The following PYGL variants were observed in gnomAD, a reference collection of about 807,000 sequenced individuals.
PYGL encodes the protein glycogen phosphorylase L.
PYGL carries 90 observed loss-of-function variants against 100.1 expected under a neutral mutation model. The ratio of observed to expected loss-of-function variants is 0.90; its 90% CI spans 0.76 to 1.07. PYGL has a LOEUF of 1.07. Ranked by LOEUF, PYGL falls within the 50% of genes least tolerant of loss-of-function variation. The pLI is 0.00. For missense variants in PYGL, 1,016 were observed against 1,057.6 expected, an observed-to-expected ratio of 0.96 and a Z score of 0.55; for synonymous variants, 373 against 393.0, an observed-to-expected ratio of 0.95 and a Z score of 0.60.
intron 1 of PYGL, among the ~76,000 whole-genome samples, chr14:50,939,096 AGTGGCG>A (rs1456943882): frequency 6.6e-6 from 1 of 152,202 alleles, no homozygotes; most frequent in East Asian, 1.9e-4. Flanking sequence ...GCTGGAGTGC[AGTGGCG>A]CAATCTCAGC....
intron 1 of PYGL, among the ~76,000 whole-genome samples, chr14:50,939,618 C>T (rs1267215546): frequency 6.6e-6 from 1 of 151,792 alleles, no homozygotes; most frequent in African/African-American, 2.4e-5. Context: ...CTTCATTGCC[C>T]CCTTTTACAA....
intron 3 of PYGL, 29 bp downstream of exon 3, chr14:50,935,078 C>G (rs911488444): frequency 3.8e-6 from 6 of 1,576,640 alleles, no homozygotes; most frequent in Non-Finnish European, 5.2e-6. Flanking sequence ...ATCGGCCAGA[C>G]AATATAATAC....
intron 4 of PYGL, among the ~76,000 whole-genome samples, chr14:50,926,185 TA>T (rs1285596519): frequency 2.0e-5 from 3 of 151,836 alleles, no homozygotes; most frequent in Non-Finnish European, 2.9e-5. Flanking sequence ...AACCTATCTC[TA>T]AAAAAAATTT....
At chr14:50,905,643 T>C (rs1487765436) in intron 19 of PYGL, 87 bp from the exon 20 acceptor site, 1 of 1,263,760 alleles carries the variant, frequency 7.9e-7, no homozygotes, top group South Asian at 1.2e-5. Context: ...TCCAAACACA[T>C]TTCATGAGGG....
intron 5 of PYGL, among the ~76,000 whole-genome samples, chr14:50,922,496 G>A (rs1030176648): frequency 6.6e-6 from 1 of 152,192 alleles, no homozygotes; most frequent in African/African-American, 2.4e-5. Flanking sequence ...CTGGGATTGA[G>A]TCTCGGTTCA....
chr14:50,922,684 T>C (rs1006844456), intron 5 of PYGL, among the ~76,000 whole-genome samples: 1 of 152,210 alleles, frequency 6.6e-6, no homozygotes, highest in Non-Finnish European at 1.5e-5. Flanking sequence ...ACTTCTCTAA[T>C]GGGCAATCTT....
rs373516824 is a variant in PYGL, at chr14:50,920,154, C to T, written c.855+387G>A. ...GGCAGAGGACCAGAAAGAGCCTAGT[C>T]AGTGAGAGAAGAGGCGAGGCAGAAA... On this transcript the variant is annotated intron_variant, in intron 7 of 19. Coordinates refer to ENST00000216392, the MANE Select transcript of PYGL (RefSeq NM_002863.5). 2.3e-3 allele frequency among the ~76,000 whole-genome samples: 348 copies of T among 152,304 alleles called. 3 individuals carry two copies. Among genetic ancestry groups the T allele is most frequent in the African/African-American group, 7.9e-3 (328 of 41,564 alleles).
chr14:50,914,516 AT>A (rs1174184699), intron 12 of PYGL, among the ~76,000 whole-genome samples, 184 bp downstream of exon 12: 39 of 151,904 alleles, frequency 2.6e-4, no homozygotes, highest in African/African-American at 8.2e-4. Context: ...AATAATAATA[AT>A]AATAAATAAT....
intron 1 of PYGL, among the ~76,000 whole-genome samples, chr14:50,941,883 A>C (rs2050705119): frequency 6.6e-6 from 1 of 152,208 alleles, no homozygotes; most frequent in Admixed American, 6.5e-5. Flanking sequence ...GTCACAAAAC[A>C]AAACAAAACA....
At chr14:50,931,297 T>A (rs576270692) in intron 4 of PYGL, among the ~76,000 whole-genome samples, 1 of 152,312 alleles carries the variant, frequency 6.6e-6, no homozygotes, top group South Asian at 2.1e-4. Flanking sequence ...GTGCTTCCTA[T>A]CATCAAGGGT....
chr14:50,923,629 T>G (rs2050520549), intron 5 of PYGL: 1 of 211,168 alleles, frequency 4.7e-6, no homozygotes, highest in Non-Finnish European at 9.3e-6. Context: ...TATCAACACC[T>G]TAATATAAAA....
chr14:50,944,048 A>C, intron 1 of PYGL, 113 bp downstream of exon 1: 1 of 1,369,642 alleles, frequency 7.3e-7, no homozygotes, highest in Middle Eastern at 2.5e-4. Flanking sequence ...CTTCGGGGCA[A>C]GGACCGGGTG....
chr14:50,909,851 G>C (rs1028819135), intron 17 of PYGL, 44 bp downstream of exon 17: 8 of 1,603,092 alleles, frequency 5.0e-6, no homozygotes, highest in Non-Finnish European at 6.0e-6. Context: ...ACCTTCTAGG[G>C]GGGAGGGGCA....
chr14:50,907,206 C>G (rs148719325), intron 19 of PYGL, among the ~76,000 whole-genome samples: 166 of 152,112 alleles, frequency 1.1e-3, no homozygotes, highest in African/African-American at 3.9e-3. Context: ...TTTTTTTCCC[C>G]TCAGTATAGT....
chr14:50,944,389 C>G lies in PYGL; in HGVS notation c.15G>C (p.Leu5=). The change falls in exon 1 of 20, where the codon CTG becomes CTC. Residue 5 remains leucine, a synonymous_variant. Coordinates refer to ENST00000216392, the MANE Select transcript of PYGL (RefSeq NM_002863.5). ...TCTGCCGCCGCTTCTCCTGGTCCGT[C>G]AGGGGCTTCGCCATGGCTGGGGCGG... The part of the protein sequence containing the change: MAKP[L]TDQEKRRQIS... The G allele has an allele frequency of 6.2e-7, 1 of 1,612,248 alleles. No individual in the cohort carries two copies.
chr14:50,914,353 T>A (rs2050425858), intron 12 of PYGL, among the ~76,000 whole-genome samples: 1 of 152,072 alleles, frequency 6.6e-6, no homozygotes, highest in Admixed American at 6.6e-5. Context: ...AAAAATTAGC[T>A]GGGCATTGTG....
Position 50,913,010 on chromosome 14 carries a change from C to A in PYGL, c.1620+19G>T, listed in dbSNP as rs997453494. On this transcript the variant is annotated intron_variant, in intron 13 of 19. Transcript: ENST00000216392. ...TCACAGTGAGTGCCCAGGAGGGGACCCACACCTGGAAGGCTCACCTGCTTC... is the reference window on the plus strand; with the variant it reads ...TCACAGTGAGTGCCCAGGAGGGGACACACACCTGGAAGGCTCACCTGCTTC... 1 of 1,611,154 alleles carries A rather than the reference C, an allele frequency of 6.2e-7. No individual in the cohort carries two copies. Among genetic ancestry groups the A allele is most frequent in the African/African-American group, 1.3e-5 (1 of 74,836 alleles).
chr14:50,944,427 C>A lies in PYGL; in HGVS notation c.-24G>T, dbSNP rs957651578. 4 of 1,589,174 alleles carry A rather than the reference C, an allele frequency of 2.5e-6. No homozygotes were observed. The highest frequency in any genetic ancestry group is 3.4e-6 in the Non-Finnish European group (4 of 1,170,914). On this transcript the variant is annotated 5_prime_UTR_variant, in exon 1 of 20. Coordinates refer to ENST00000216392, the MANE Select transcript of PYGL (RefSeq NM_002863.5). ...ATGGCTGGGGCGGCGGGCTGCGCGG[C>A]GGGCTGCGCAGAGAGCTGGAAGTGC... is the stretch of plus-strand genomic sequence containing the variant.
chr14:50,912,023 GTCTT>G lies in PYGL; in HGVS notation c.1778_1781del (p.Lys593ThrfsTer26), dbSNP rs764509227. On this transcript the variant is annotated frameshift_variant, in exon 15 of 20. Coordinates refer to ENST00000216392, the MANE Select transcript of PYGL (RefSeq NM_002863.5). LOFTEE classifies it high-confidence loss of function. ...TCCTTGGCACGAATAACTTCTTAGG[GTCTT>G]TCTTAATGCCTGAAAAAGATGGAGA... 6.2e-6 allele frequency: 10 copies of G among 1,613,878 alleles called. No homozygotes were observed. The South Asian group carries it at 9.9e-5, about 16-fold the overall frequency.
Sources: gnomAD v4.1 joint callset for allele counts (sites outside exome capture counted in the v4.1 genomes callset) on GRCh38, gnomAD v4.1.1 for gene constraint, MANE v1.5 for transcripts, NCBI Gene and HGNC (gene_info 2026-07-23, HGNC 2026-07-21) for gene names.